ABCA4: variants seen among roughly 807,000 people sequenced by gnomAD.
ABCA4 encodes the protein retinal-specific phospholipid-transporting ATPase ABCA4.
In ABCA4, 196 loss-of-function variants were observed where a neutral mutation model predicts 263.7. The ratio of observed to expected loss-of-function variants is 0.74; its 90% CI spans 0.66 to 0.84. The LOEUF is 0.84. ABCA4 is among the 40% of genes least tolerant of loss of function. The pLI, the probability that ABCA4 is intolerant of heterozygous loss-of-function variation, is 0.00. For synonymous variants in ABCA4, 1,133 were observed against 1,094.2 expected (o/e 1.04, Z -0.70); for missense variants, 2,792 against 2,855.1 (o/e 0.98, Z 0.50).
chr1:94,048,835 G>A (rs766280644), intron 18 of ABCA4, 33 bp downstream of exon 18: 34 of 1,605,092 alleles, frequency 2.1e-5, no homozygotes, highest in East Asian at 8.9e-5. Context: ...CCTTTTCCTC[G>A]CCTCTGCTGT....
chr1:94,060,891 G>C, intron 13 of ABCA4, 132 bp from the exon 14 acceptor site: 1 of 771,386 alleles, frequency 1.3e-6, no homozygotes, highest in Non-Finnish European at 2.2e-6. Flanking sequence ...AACCTCCCCT[G>C]GACATTTAAT....
At chr1:94,024,846 T>C in intron 31 of ABCA4, 108 bp downstream of exon 31, 1 of 987,978 alleles carries the variant, frequency 1.0e-6, no homozygotes, top group Non-Finnish European at 1.5e-6. Context: ...AAGAAAAAAA[T>C]CTACTGCCCT....
rs1467000353 is a variant in ABCA4, at chr1:94,030,997, TGAA to T, written c.4249_4251del (p.Phe1417del). On this transcript the variant is annotated inframe_deletion and splice_region_variant, in exon 28 of 50. Transcript: ENST00000370225. ...AATGGTGACCCCGAGTCCGCGCACCTGAAGAAGGTGTACTGCTGCCCATATATC... is the reference window on the plus strand; with the variant it reads ...AATGGTGACCCCGAGTCCGCGCACCTGAAGGTGTACTGCTGCCCATATATC... The T allele has an allele frequency of 1.9e-6, 3 of 1,613,834 alleles. No homozygotes were observed. Among genetic ancestry groups the T allele is most frequent in the Non-Finnish European group, 2.5e-6 (3 of 1,179,924 alleles).
chr1:94,102,173 A>G (rs1016085273), intron 5 of ABCA4, among the ~76,000 whole-genome samples: 1 of 152,184 alleles, frequency 6.6e-6, no homozygotes, highest in Non-Finnish European at 1.5e-5. Flanking sequence ...GTCGTGAGTT[A>G]GTGGTAAGAA....
Position 93,997,994 on chromosome 1 carries a change from C to T in ABCA4, c.6596G>A (p.Arg2199Lys), listed in dbSNP as rs766336439. ...CTGGAGCATGTTGTAGTGCCTCTCC[C>T]TCTGCACACTGCCTGGGAAGTTCCC... Reference protein sequence around the residue: ...FQGNFPGSVQRERHYNMLQFQ... With the variant: ...FQGNFPGSVQKERHYNMLQFQ... The change falls in exon 48 of 50, where the codon AGG (arginine) becomes AAG (lysine). Residue 2199 changes from arginine (R) to lysine (K), a missense_variant. Physicochemically the swap from Arg to Lys is conservative, Grantham distance 26. Transcript: ENST00000370225. 6.2e-7 allele frequency: 1 copy of T among 1,614,190 alleles called. No individual in the cohort carries two copies. The highest frequency in any genetic ancestry group is 1.1e-5 in the South Asian group (1 of 91,082).
chr1:94,099,891 G>T (rs761312271), intron 5 of ABCA4, among the ~76,000 whole-genome samples: 1 of 152,136 alleles, frequency 6.6e-6, no homozygotes, highest in East Asian at 1.9e-4. Flanking sequence ...TACAACCCTC[G>T]TGATGGCCTC....
chr1:94,089,611 C>A (rs1211509847), intron 6 of ABCA4, among the ~76,000 whole-genome samples: 1 of 151,912 alleles, frequency 6.6e-6, no homozygotes, highest in African/African-American at 2.4e-5. Context: ...CTACAGGTGC[C>A]CACCACATCT....
At chr1:94,078,791 T>A in intron 9 of ABCA4, 85 bp from the exon 10 acceptor site, 4 of 922,194 alleles carry the variant, frequency 4.3e-6, no homozygotes, top group Non-Finnish European at 7.3e-6. Context: ...TCTGCCCCTA[T>A]CACTTAGTGT....
intron 40 of ABCA4, among the ~76,000 whole-genome samples, chr1:94,010,006 G>T (rs1659503151): frequency 6.6e-6 from 1 of 152,202 alleles, no homozygotes; most frequent in Non-Finnish European, 1.5e-5. Flanking sequence ...TAGAAAGGCA[G>T]ATTCATTTCC....
intron 11 of ABCA4, among the ~76,000 whole-genome samples, chr1:94,068,500 T>G (rs1331133322): frequency 6.6e-6 from 1 of 152,208 alleles, no homozygotes; most frequent in South Asian, 2.1e-4. Flanking sequence ...TCTTGGCTAA[T>G]GGACATGTAT....
intron 26 of ABCA4, among the ~76,000 whole-genome samples, chr1:94,035,217 C>T (rs1362911819): frequency 6.6e-6 from 1 of 152,230 alleles, no homozygotes; most frequent in Non-Finnish European, 1.5e-5. Flanking sequence ...AAGGCCCTAA[C>T]TCTTGAATCC....
intron 42 of ABCA4, 48 bp from the exon 43 acceptor site, chr1:94,007,788 T>A: frequency 6.5e-7 from 1 of 1,547,358 alleles, no homozygotes; most frequent in Non-Finnish European, 8.9e-7. Context: ...CAAGAAGGTC[T>A]AAAATGTCAG....
chr1:94,063,346 G>A (rs751350296), intron 11 of ABCA4, 29 bp from the exon 12 acceptor site: 3 of 1,606,406 alleles, frequency 1.9e-6, no homozygotes, highest in Admixed American at 1.7e-5. Flanking sequence ...TTGAGAGAGT[G>A]TGAGGAGGAC....
intron 44 of ABCA4, among the ~76,000 whole-genome samples, chr1:94,005,154 C>A (rs1397936993): frequency 5.3e-5 from 8 of 152,168 alleles, no homozygotes; most frequent in African/African-American, 1.9e-4. Context: ...GTGGGAGATG[C>A]ATCTTCAGGA....
At chr1:94,062,820 C>T in intron 12 of ABCA4, 67 bp from the exon 13 acceptor site, 3 of 1,517,528 alleles carry the variant, frequency 2.0e-6, no homozygotes, top group East Asian at 2.3e-5. Flanking sequence ...CTCCCGACCA[C>T]AGGGTGACTC....
At position 94,025,044 on chromosome 1, in the gene ABCA4, G is replaced by C. The variant is rs1660002129; in HGVS notation, c.4544C>G (p.Thr1515Arg). 6.2e-7 allele frequency: 1 copy of C among 1,613,960 alleles called. No homozygotes were observed. The highest frequency in any genetic ancestry group is 1.7e-5 in the Admixed American group (1 of 60,012). ...GAGGLPPPQR[T>R]QRSTEILQDL... ...TTGTAGAATTTCCGTGCTGCGCTGT[G>C]TTCTCTGAGGCAATGAGACACCCAC... The change falls in exon 31 of 50, where the codon ACA becomes AGA. Residue 1515 changes from threonine to arginine, a missense_variant. Physicochemically the swap from Thr to Arg is moderately conservative, Grantham distance 71 (BLOSUM62 -1). Transcript: ENST00000370225.
At chr1:94,020,733 C>T (rs756024749) in intron 35 of ABCA4, among the ~76,000 whole-genome samples, 4 of 152,238 alleles carry the variant, frequency 2.6e-5, no homozygotes, top group Non-Finnish European at 5.9e-5. Context: ...TCCATGTAGG[C>T]CTCAAATAGA....
chr1:94,027,845 C>A (rs1001648529), intron 30 of ABCA4, among the ~76,000 whole-genome samples: 2 of 152,188 alleles, frequency 1.3e-5, no homozygotes, highest in African/African-American at 4.8e-5. Context: ...CATCCTTCTT[C>A]CATTCCGCTG....
Position 94,008,825 on chromosome 1 carries a change from C to T in ABCA4, c.5761G>A (p.Val1921Met), listed in dbSNP as rs61753032. The change falls in exon 41 of 50, where the codon GTG (valine) becomes ATG (methionine). Residue 1921 changes from valine (V) to methionine (M), a missense_variant. Val to Met is a conservative substitution (Grantham distance 21). Coordinates refer to ENST00000370225, the MANE Select transcript of ABCA4 (RefSeq NM_000350.3). ...ATAATTCTTTGTCTTTCTTCAGCCA[C>T]ATCATCATCTTCATCAACAATGGGC... The part of the protein sequence containing the change: ...KEPIVDEDDD[V>M]AEERQRIITG... 12 of 1,613,722 alleles carry T rather than the reference C, an allele frequency of 7.4e-6. No individual in the cohort carries two copies. In the East Asian group the frequency reaches 2.5e-4, roughly 33 times the overall value.
Sources: gnomAD v4.1 joint callset for allele counts (sites outside exome capture counted in the v4.1 genomes callset) on GRCh38, gnomAD v4.1.1 for gene constraint, MANE v1.5 for transcripts, NCBI Gene and HGNC (gene_info 2026-07-23, HGNC 2026-07-21) for gene names.